The following AKAP13 variants were observed in gnomAD, a reference collection of about 807,000 sequenced individuals.
AKAP13 encodes A-kinase anchoring protein 13.
Under a neutral mutation model 264.5 loss-of-function variants are expected in AKAP13, and 80 were observed. The ratio of observed to expected loss-of-function variants is 0.30; its 90% CI spans 0.25 to 0.36. The LOEUF (loss-of-function observed/expected upper bound fraction) is 0.36, where lower values mean the gene tolerates loss of function less well. Ranked by LOEUF, AKAP13 falls within the 10% of genes least tolerant of loss-of-function variation. The probability of loss-of-function intolerance (pLI) is 1.00; values close to 1 mark genes in which losing one functional copy is unlikely to be tolerated. For missense variants in AKAP13, 3,712 were observed against 3,435.2 expected (o/e 1.08, Z -2.01); for synonymous variants, 1,380 against 1,250.2 (o/e 1.10, Z -2.19).
intron 17 of AKAP13, among the ~76,000 whole-genome samples, chr15:85,699,776 T>G (rs1010462488): frequency 2.0e-5 from 3 of 152,250 alleles, no homozygotes; most frequent in Non-Finnish European, 4.4e-5. Context: ...TTATAAGCCT[T>G]GAGGAGAGTT....
chr15:85,402,573 A>G (rs1351136651), intron 1 of AKAP13, among the ~76,000 whole-genome samples: 1 of 152,234 alleles, frequency 6.6e-6, no homozygotes, highest in South Asian at 2.1e-4. Flanking sequence ...AAATTAAAAT[A>G]CTTTTTAGCT....
intron 4 of AKAP13, chr15:85,535,780 T>A (rs1196418604): frequency 1.3e-5 from 2 of 151,720 alleles, no homozygotes; most frequent in Non-Finnish European, 2.9e-5. Flanking sequence ...TTTGGACATA[T>A]CACTTCCTCT....
chr15:85,663,915 T>G (rs1282019259), intron 12 of AKAP13, among the ~76,000 whole-genome samples: 2 of 152,234 alleles, frequency 1.3e-5, no homozygotes, highest in African/African-American at 4.8e-5. Flanking sequence ...TTAGACCAGG[T>G]TGCTTTTCAG....
chr15:85,543,244 C>T (rs1387486933), intron 4 of AKAP13, among the ~76,000 whole-genome samples: 1 of 152,128 alleles, frequency 6.6e-6, no homozygotes. Context: ...AATAAAAAGA[C>T]CCATGTGTAC....
rs2079122680 is a variant in AKAP13 at position 85,580,119 on chromosome 15, A to G, written c.2051A>G (p.Asp684Gly). The change falls in exon 7 of 37, where the codon GAT becomes GGT. Residue 684 changes from aspartate to glycine, a missense_variant. By Grantham distance (94) the Asp-to-Gly change is moderately conservative. Coordinates refer to ENST00000394518, the MANE Select transcript of AKAP13 (RefSeq NM_007200.5). The stretch of plus-strand genomic sequence containing the variant: ...GGCGATTTGGTTGCAAAACTGTGTG[A>G]TAACATAGTTAGCGAGTCCGAAAGC... ...SSGDLVAKLCDNIVSESESTT... is the reference protein window; with the variant it reads ...SSGDLVAKLCGNIVSESESTT... 1.2e-6 allele frequency: 2 copies of G among 1,614,232 alleles called. No homozygotes were observed. Among genetic ancestry groups the G allele is most frequent in the East Asian group, 2.2e-5 (1 of 44,888 alleles).
At position 85,720,155 on chromosome 15, in the gene AKAP13, G is replaced by T. The variant is rs542191620; in HGVS notation, c.6252+829G>T. Among the ~76,000 whole-genome samples, 8 of 152,214 alleles carry T rather than the reference G, an allele frequency of 5.3e-5. No individual in the cohort carries two copies. In the South Asian group the frequency reaches 1.7e-3, roughly 32 times the overall value. ...AGCCCGAGGTGGGAGGATCACTTGA[G>T]CCTAGGAGTTCAAAGTTGCAGCGAG... On this transcript the variant is annotated intron_variant, in intron 23 of 36. Transcript: ENST00000394518.
At chr15:85,743,070 C>T (rs566097300) in intron 35 of AKAP13, among the ~76,000 whole-genome samples, 8 of 152,248 alleles carry the variant, frequency 5.3e-5, no homozygotes, top group Admixed American at 4.6e-4. Context: ...TCGGCTTTTC[C>T]ACTTATCCTC....
chr15:85,686,533 T>C (rs1213187171), intron 16 of AKAP13, among the ~76,000 whole-genome samples: 1 of 151,974 alleles, frequency 6.6e-6, no homozygotes, highest in Non-Finnish European at 1.5e-5. Context: ...CAGGGAGAGA[T>C]GCAAAGAGTC....
intron 16 of AKAP13, among the ~76,000 whole-genome samples, chr15:85,688,158 A>T (rs549569365): frequency 6.6e-6 from 1 of 152,184 alleles, no homozygotes; most frequent in East Asian, 1.9e-4. Context: ...GAAGTACTGT[A>T]TTTTCTAAAT....
chr15:85,427,481 A>G (rs568277910), intron 1 of AKAP13, among the ~76,000 whole-genome samples: 12 of 152,222 alleles, frequency 7.9e-5, no homozygotes, highest in South Asian at 6.2e-4. Context: ...ATGCAAGTCT[A>G]TCGACTCCTC....
chr15:85,419,494 A>G (rs1567047384), intron 1 of AKAP13, among the ~76,000 whole-genome samples: 1 of 152,202 alleles, frequency 6.6e-6, no homozygotes, highest in Non-Finnish European at 1.5e-5. Context: ...ATTTTTATGT[A>G]TAGGATTGCT....
chr15:85,745,915 G>GC lies in AKAP13; in HGVS notation c.*1242dup, dbSNP rs1326031598. On this transcript the variant is annotated 3_prime_UTR_variant, in exon 37 of 37. Transcript: ENST00000394518. ...AAGGTCTGTTGTTGAATTGTACTCT[G>GC]CCCCTGGAAGCAGATACAGATGGCT... 2.0e-5 allele frequency: 3 copies of GC among 152,244 alleles called. No individual in the cohort carries two copies. The East Asian group carries it at 5.8e-4, about 29-fold the overall frequency. The allele number at this position is 152,244 out of a possible 1,614,324, so 9.4% of individuals were successfully genotyped here.
At chr15:85,659,374 A>G (rs921301813) in intron 12 of AKAP13, among the ~76,000 whole-genome samples, 8 of 152,228 alleles carry the variant, frequency 5.3e-5, no homozygotes, top group Non-Finnish European at 1.2e-4. Flanking sequence ...ATTTTTAACT[A>G]TTAGCTGAAC....
At chr15:85,387,907 C>A (rs2070657635) in intron 1 of AKAP13, among the ~76,000 whole-genome samples, 1 of 152,092 alleles carries the variant, frequency 6.6e-6, no homozygotes, top group Admixed American at 6.5e-5. Context: ...GGATCCTACA[C>A]CCTTGCTAAA....
At chr15:85,740,437 C>T (rs2088867888) in intron 34 of AKAP13, 165 bp downstream of exon 34, 1 of 697,776 alleles carries the variant, frequency 1.4e-6, no homozygotes, top group Non-Finnish European at 2.3e-6. Context: ...CAGAATGCAT[C>T]GACCTTCCAG....
intron 33 of AKAP13, among the ~76,000 whole-genome samples, chr15:85,738,812 T>C (rs1004394514): frequency 7.7e-6 from 1 of 130,606 alleles, no homozygotes. Flanking sequence ...CAGTCCGCAG[T>C]CCGGCCTGGG....
intron 1 of AKAP13, among the ~76,000 whole-genome samples, chr15:85,390,815 A>G (rs2070820591): frequency 6.6e-6 from 1 of 152,214 alleles, no homozygotes; most frequent in Admixed American, 6.5e-5. Context: ...GAGGATTCCT[A>G]GGTGTTTTAC....
rs1349567973 is a variant in AKAP13 at position 85,747,080 on chromosome 15, C to G, written c.*2403C>G. 1 of 152,192 alleles carries G rather than the reference C, an allele frequency of 6.6e-6. No homozygotes were observed. The highest frequency in any genetic ancestry group is 1.9e-4 in the East Asian group (1 of 5,192). The allele number at this position is 152,192 out of a possible 1,614,324, so 9.4% of individuals were successfully genotyped here. A position where few individuals can be genotyped will look rare whatever the true frequency, so the allele number is the denominator to read the frequency against. The stretch of plus-strand genomic sequence containing the variant: ...ATTTCACATCTGCCCAGACCCCACT[C>G]AAAACGATTTGGTCAGGTTCTGGTT... On this transcript the variant is annotated 3_prime_UTR_variant, in exon 37 of 37. Transcript: ENST00000394518.
Position 85,724,227 on chromosome 15 carries a change from C to A in AKAP13, c.6745+907C>A, listed in dbSNP as rs1343710263. ...CTATAGGAAATGCCCACGCATAGAA[C>A]AAATGGTAAAGAAGTTCCAGGCAGT... On this transcript the variant is annotated intron_variant, in intron 26 of 36. Transcript: ENST00000394518. This position sits in a 1 kb window ranked among gnomAD's most constrained non-coding sequence, Gnocchi z 4.2. 6.6e-6 allele frequency among the ~76,000 whole-genome samples: 1 copy of A among 152,120 alleles called. No homozygotes were observed. Among genetic ancestry groups the A allele is most frequent in the Non-Finnish European group, 1.5e-5 (1 of 68,020 alleles).
Sources: allele counts gnomAD v4.1 joint callset (sites outside exome capture counted in the v4.1 genomes callset), GRCh38; gene constraint gnomAD v4.1.1; non-coding constraint Gnocchi (gnomAD v3.1); transcripts MANE v1.5; gene names NCBI Gene and HGNC (gene_info 2026-07-23, HGNC 2026-07-21).